Variants in SNRK observed in about 807,000 individuals in gnomAD.
The protein encoded by SNRK is SNF-related serine/threonine-protein kinase.
SNRK carries 3 observed loss-of-function variants against 48.2 expected under a neutral mutation model. The ratio of observed to expected loss-of-function variants is 0.06; its 90% CI spans 0.03 to 0.16. The LOEUF (loss-of-function observed/expected upper bound fraction) is 0.16, where lower values mean the gene tolerates loss of function less well. SNRK is among the 10% of genes least tolerant of loss of function. The pLI, the probability that SNRK is intolerant of heterozygous loss-of-function variation, is 1.00. For missense variants in SNRK, 627 were observed against 976.0 expected (o/e 0.64, Z 4.76); for synonymous variants, 376 against 366.1 (o/e 1.03, Z -0.31).
intron 1 of SNRK, chr3:43,289,679 G>A (rs1399779087): frequency 1.3e-5 from 2 of 152,642 alleles, no homozygotes; most frequent in African/African-American, 4.8e-5. Context: ...GAAGGAACCT[G>A]TCTAAAGAGG....
At chr3:43,327,474 T>C (rs978262606) in intron 3 of SNRK, among the ~76,000 whole-genome samples, 5 of 152,256 alleles carry the variant, frequency 3.3e-5, no homozygotes, top group Admixed American at 1.3e-4. Context: ...CTAGTTCTAT[T>C]GCTTCTTTCA....
chr3:43,317,404 T>C (rs998953063), intron 3 of SNRK, among the ~76,000 whole-genome samples: 8 of 152,108 alleles, frequency 5.3e-5, no homozygotes, highest in Non-Finnish European at 1.5e-5. Flanking sequence ...ATTCCTTGGG[T>C]CAGCAGACTG....
chr3:43,313,059 G>GTATCTGGAAA (rs2090990299), intron 3 of SNRK, among the ~76,000 whole-genome samples: 1 of 152,126 alleles, frequency 6.6e-6, no homozygotes, highest in African/African-American at 2.4e-5. Context: ...ATTCTAAAAT[G>GTATCTGGAAA]TATCTGGAAA....
intron 4 of SNRK, among the ~76,000 whole-genome samples, chr3:43,339,050 T>C (rs1178855012): frequency 2.0e-5 from 3 of 152,222 alleles, no homozygotes; most frequent in African/African-American, 7.2e-5. Context: ...CTGATATTCT[T>C]TGTAATATTA....
At chr3:43,304,451 C>T (rs1418886139) in intron 3 of SNRK, among the ~76,000 whole-genome samples, 2 of 152,188 alleles carry the variant, frequency 1.3e-5, no homozygotes, top group African/African-American at 4.8e-5. Flanking sequence ...GCATTCCTAA[C>T]TACCTTCTTT....
chr3:43,334,676 C>T (rs936586139), intron 4 of SNRK, among the ~76,000 whole-genome samples: 2 of 151,954 alleles, frequency 1.3e-5, no homozygotes, highest in African/African-American at 2.4e-5. Flanking sequence ...TCACTTCAGC[C>T]TCCACCTCCT....
chr3:43,310,902 T>C lies in SNRK; in HGVS notation c.589+7110T>C, dbSNP rs554221788. On this transcript the variant is annotated intron_variant, in intron 3 of 6. Coordinates refer to ENST00000296088, the MANE Select transcript of SNRK (RefSeq NM_017719.5). ...TGCTGCTTCTGTTTGATGAACTTGG[T>C]TCCTCTCTCTCATTGTACTCAATTT... 4.7e-4 allele frequency among the ~76,000 whole-genome samples: 72 copies of C among 152,282 alleles called. No individual in the cohort carries two copies. In the South Asian group the frequency reaches 6.4e-3, roughly 14 times the overall value.
At chr3:43,307,636 A>G (rs886333188) in intron 3 of SNRK, among the ~76,000 whole-genome samples, 3 of 152,206 alleles carry the variant, frequency 2.0e-5, no homozygotes, top group East Asian at 1.9e-4. Flanking sequence ...AAACTTAACC[A>G]ATAAATGTTG....
intron 5 of SNRK, chr3:43,343,129 C>T: frequency 1.9e-6 from 1 of 513,936 alleles, no homozygotes; most frequent in Non-Finnish European, 3.2e-6. Context: ...GAAAAATCTT[C>T]ATAAAAATAT....
chr3:43,313,107 G>T (rs1250708580), intron 3 of SNRK, among the ~76,000 whole-genome samples: 1 of 152,114 alleles, frequency 6.6e-6, no homozygotes, highest in Admixed American at 6.5e-5. Context: ...ATTATGAAAA[G>T]AATAACGAGA....
At chr3:43,299,100 A>G (rs751977416) in intron 1 of SNRK, among the ~76,000 whole-genome samples, 3 of 152,190 alleles carry the variant, frequency 2.0e-5, no homozygotes, top group Non-Finnish European at 4.4e-5. Context: ...ATGCAGTTTC[A>G]TGGGGAGGAT....
chr3:43,289,133 G>A lies in SNRK; in HGVS notation c.-169+2458G>A, dbSNP rs962860805. 3.3e-5 allele frequency among the ~76,000 whole-genome samples: 5 copies of A among 152,132 alleles called. No homozygotes were observed. The East Asian group carries it at 9.6e-4, about 29-fold the overall frequency. ...GTAACAGTACGAACAGATGAACTGT[G>A]GTGAGGCATAGGGAAAAACCTGCAG... On this transcript the variant is annotated intron_variant, in intron 1 of 6. Coordinates refer to ENST00000296088, the MANE Select transcript of SNRK (RefSeq NM_017719.5).
At chr3:43,289,239 A>G (rs2125609859) in intron 1 of SNRK, among the ~76,000 whole-genome samples, 1 of 152,282 alleles carries the variant, frequency 6.6e-6, no homozygotes, top group South Asian at 2.1e-4. Flanking sequence ...GTCTTGAAGA[A>G]TAGGAAGAAT....
intron 5 of SNRK, 161 bp from the exon 6 acceptor site, chr3:43,343,183 A>G (rs1265303448): frequency 2.4e-6 from 2 of 832,050 alleles, no homozygotes; most frequent in Non-Finnish European, 3.6e-6. Flanking sequence ...AGTGACCTAA[A>G]TAACTACTAG....
chr3:43,338,823 C>T (rs1359085226), intron 4 of SNRK, among the ~76,000 whole-genome samples: 1 of 151,826 alleles, frequency 6.6e-6, no homozygotes, highest in African/African-American at 2.4e-5. Context: ...TCTCAACTGC[C>T]TAGTAATTTT....
chr3:43,297,262 G>A (rs1487747984), intron 1 of SNRK, among the ~76,000 whole-genome samples: 1 of 152,110 alleles, frequency 6.6e-6, no homozygotes, highest in East Asian at 1.9e-4. Flanking sequence ...ATGTACACTC[G>A]GACCTGATGA....
In SNRK at chr3:43,291,521, A is replaced by G. The variant is rs2090812481; in HGVS notation, c.-169+4846A>G. On this transcript the variant is annotated intron_variant, in intron 1 of 6. Coordinates refer to ENST00000296088, the MANE Select transcript of SNRK (RefSeq NM_017719.5). ...CAAATACTGTAATCTCATGGGAGGG[A>G]GGCCAGTTCTAAAGTTAGGGGGATA... Among the ~76,000 whole-genome samples, 4 of 152,310 alleles carry G rather than the reference A, an allele frequency of 2.6e-5. No individual in the cohort carries two copies. The South Asian group carries it at 8.3e-4, about 32-fold the overall frequency.
At chr3:43,305,721 G>A (rs1388275071) in intron 3 of SNRK, among the ~76,000 whole-genome samples, 3 of 151,802 alleles carry the variant, frequency 2.0e-5, no homozygotes, top group African/African-American at 7.3e-5. Context: ...TCCTGACCTC[G>A]TGATCCACCC....
At chr3:43,306,721 C>T (rs966101791) in intron 3 of SNRK, among the ~76,000 whole-genome samples, 1 of 152,190 alleles carries the variant, frequency 6.6e-6, no homozygotes, top group Non-Finnish European at 1.5e-5. Context: ...CTCCCACAAT[C>T]CCTGATGACA....
Sources: allele counts gnomAD v4.1 joint callset (sites outside exome capture counted in the v4.1 genomes callset), GRCh38; gene constraint gnomAD v4.1.1; transcripts MANE v1.5; gene names NCBI Gene and HGNC (gene_info 2026-07-23, HGNC 2026-07-21).